Variants in MEI4 observed in about 807,000 individuals in gnomAD.
The protein encoded by MEI4 is meiosis-specific protein MEI4.
A neutral mutation model predicts 31.4 loss-of-function variants in MEI4; 27 were observed. The observed-to-expected ratio is 0.86, with a 90% CI of 0.63 to 1.19. MEI4 has a LOEUF of 1.19. Ranked by LOEUF, MEI4 falls within the 50% of genes most tolerant of loss-of-function variation. The probability of loss-of-function intolerance (pLI) is 0.00; values close to 1 mark genes in which losing one functional copy is unlikely to be tolerated. For synonymous variants in MEI4, 122 were observed against 145.4 expected (o/e 0.84, Z 1.16); for missense variants, 329 against 398.9 (o/e 0.82, Z 1.49).
At chr6:77,855,993 T>G (rs1186304044) in intron 4 of MEI4, among the ~76,000 whole-genome samples, 1 of 152,126 alleles carries the variant, frequency 6.6e-6, no homozygotes, top group East Asian at 1.9e-4. Context: ...GTCAATACAT[T>G]AAAAAAATTG....
intron 2 of MEI4, among the ~76,000 whole-genome samples, chr6:77,699,243 G>A (rs1394026628): frequency 7.0e-6 from 1 of 143,502 alleles, no homozygotes; most frequent in East Asian, 2.1e-4. Context: ...AGGCTGGAGT[G>A]CAGTGGCGGG....
At chr6:77,919,802 AAT>A (rs1316197267) in intron 4 of MEI4, among the ~76,000 whole-genome samples, 7 of 149,292 alleles carry the variant, frequency 4.7e-5, no homozygotes, top group African/African-American at 1.7e-4. Flanking sequence ...CGCAATAAAA[AAT>A]GATAAAGGGG....
Position 77,737,827 on chromosome 6 carries a change from C to A in MEI4, c.233-23303C>A, listed in dbSNP as rs9443464. On this transcript the variant is annotated intron_variant, in intron 2 of 4. Transcript: ENST00000684080. ...TCAAGGTTGACTCTCAGGTTTCAAA[C>A]CTTGGAGACTGGAGGGTAGTAGCAG... Among the ~76,000 whole-genome samples, 1,059 of 152,192 alleles carry A rather than the reference C, an allele frequency of 7.0e-3. 13 individuals are homozygous for A. Among genetic ancestry groups the A allele is most frequent in the African/African-American group, 0.024 (999 of 41,514 alleles).
At position 77,923,093 on chromosome 6, in the gene MEI4, A is replaced by G. The variant is rs1187969656; in HGVS notation, c.905A>G (p.Gln302Arg). ...GAGTTTGTTGTTTATTTGTAGGAGC[A>G]AGCCAGTTATGATGTGTCACGCTAT... is the stretch of plus-strand genomic sequence containing the variant. ...ADDLGAINQE[Q>R]ASYDVSRYEN... is the part of the protein sequence containing the mutation. Residue 302 changes from glutamine to arginine, a missense_variant, in exon 5 of 5, where the codon CAA (glutamine) becomes CGA (arginine). Transcript: ENST00000684080. The G allele has an allele frequency of 1.6e-6, 2 of 1,229,978 alleles. No individual in the cohort carries two copies. The highest frequency in any genetic ancestry group is 2.0e-6 in the Non-Finnish European group (2 of 986,460). 76.2% of individuals were successfully genotyped at this position (1,229,978 alleles called of 1,614,324 possible).
chr6:77,801,943 T>A (rs9448225), intron 3 of MEI4, among the ~76,000 whole-genome samples: 34,579 of 152,148 alleles, frequency 0.23, 4,696 homozygotes, highest in African/African-American at 0.38. Flanking sequence ...GAATGTATAT[T>A]CTGTTAATTT....
In MEI4 at chr6:77,751,330, A is replaced by G. The variant is rs368424174; in HGVS notation, c.233-9800A>G. ...ACCCTTGAAAAAACTTGGTGAATCC[A>G]GGAGGTGGTTTGAAAAGATCAAGAA... On this transcript the variant is annotated intron_variant, in intron 2 of 4. Coordinates refer to ENST00000684080, the MANE Select transcript of MEI4 (RefSeq NM_001322247.2). 5.3e-5 allele frequency among the ~76,000 whole-genome samples: 8 copies of G among 152,162 alleles called. No homozygotes were observed. The East Asian group carries it at 1.5e-3, about 29-fold the overall frequency.
chr6:77,767,203 A>G (rs1768197653), intron 3 of MEI4, among the ~76,000 whole-genome samples: 1 of 151,448 alleles, frequency 6.6e-6, no homozygotes, highest in Non-Finnish European at 1.5e-5. Context: ...AACATTGTGA[A>G]ACCCCATCTC....
At chr6:77,780,669 A>G (rs1390650319) in intron 3 of MEI4, among the ~76,000 whole-genome samples, 2 of 152,120 alleles carry the variant, frequency 1.3e-5, no homozygotes. Context: ...TCTCTATATC[A>G]TGACCTTTTG....
At chr6:77,743,524 G>T (rs1024742688) in intron 2 of MEI4, among the ~76,000 whole-genome samples, 4 of 152,192 alleles carry the variant, frequency 2.6e-5, no homozygotes, top group Non-Finnish European at 4.4e-5. Flanking sequence ...ATTTTGGGCT[G>T]AGATGACGGG....
chr6:77,765,808 C>A (rs1582118905), intron 3 of MEI4, among the ~76,000 whole-genome samples: 1 of 149,464 alleles, frequency 6.7e-6, no homozygotes, highest in Non-Finnish European at 1.5e-5. Context: ...CAATGATAGA[C>A]TGGATTAAGA....
intron 1 of MEI4, among the ~76,000 whole-genome samples, chr6:77,664,149 CTAT>C (rs1302313795): frequency 6.6e-6 from 1 of 151,968 alleles, no homozygotes; most frequent in Non-Finnish European, 1.5e-5. Flanking sequence ...CAACTTTTTT[CTAT>C]TATTGTACAC....
At chr6:77,880,407 A>AT (rs1324820073) in intron 4 of MEI4, among the ~76,000 whole-genome samples, 1 of 151,710 alleles carries the variant, frequency 6.6e-6, no homozygotes, top group Non-Finnish European at 1.5e-5. Context: ...ATTTTTTTGT[A>AT]TTTTTAGTAG....
intron 2 of MEI4, among the ~76,000 whole-genome samples, chr6:77,730,832 G>A: frequency 7.3e-6 from 1 of 137,928 alleles, no homozygotes; most frequent in Non-Finnish European, 1.5e-5. Context: ...CTGTGTCCCT[G>A]TGTTCTCATT....
intron 1 of MEI4, 58 bp from the exon 2 acceptor site, chr6:77,690,595 CAAATG>C (rs1248810565): frequency 4.1e-6 from 3 of 728,510 alleles, no homozygotes; most frequent in Non-Finnish European, 5.7e-6. Context: ...CAATTTTAAG[CAAATG>C]AAATGCACTG....
chr6:77,911,471 G>C lies in MEI4; in HGVS notation c.901-11618G>C, dbSNP rs540963641. ...TTACCCCCTCCTTCTGACCCTACCT[G>C]CTATAGTAGTCCCTGGTGTCTATTT... On this transcript the variant is annotated intron_variant, in intron 4 of 4. Coordinates refer to ENST00000684080, the MANE Select transcript of MEI4 (RefSeq NM_001322247.2). Among the ~76,000 whole-genome samples the C allele has an allele frequency of 2.2e-3, 341 of 151,868 alleles. 2 individuals are homozygous for C. The highest frequency in any genetic ancestry group is 8.0e-3 in the African/African-American group (331 of 41,484).
chr6:77,761,763 A>G (rs1024116306), intron 3 of MEI4, 98 bp downstream of exon 3: 1 of 818,402 alleles, frequency 1.2e-6, no homozygotes, highest in Admixed American at 4.3e-5. Flanking sequence ...CTTGTGGCTC[A>G]AGGAATCCCT....
At chr6:77,902,629 G>T (rs944021907) in intron 4 of MEI4, among the ~76,000 whole-genome samples, 1 of 152,094 alleles carries the variant, frequency 6.6e-6, no homozygotes, top group Non-Finnish European at 1.5e-5. Flanking sequence ...GCTGGGAAGT[G>T]ATTAGGGCCA....
chr6:77,730,499 C>T (rs892840602), intron 2 of MEI4, among the ~76,000 whole-genome samples: 2 of 152,086 alleles, frequency 1.3e-5, no homozygotes, highest in African/African-American at 4.8e-5. Context: ...AGATGGTTTC[C>T]TCTTATCAGC....
At chr6:77,734,490 G>A (rs182018247) in intron 2 of MEI4, among the ~76,000 whole-genome samples, 4 of 151,936 alleles carry the variant, frequency 2.6e-5, no homozygotes, top group Admixed American at 2.0e-4. Context: ...CATTTGCTTG[G>A]TAGATCTTCC....
Sources: gnomAD v4.1 joint callset for allele counts (sites outside exome capture counted in the v4.1 genomes callset) on GRCh38, gnomAD v4.1.1 for gene constraint, MANE v1.5 for transcripts, NCBI Gene and HGNC (gene_info 2026-07-23, HGNC 2026-07-21) for gene names.